The following SLC22A12 variants were observed in gnomAD, a reference collection of about 807,000 sequenced individuals.
SLC22A12 encodes organic anion transporter 4-like protein.
In SLC22A12, 56 loss-of-function variants were observed where a neutral mutation model predicts 52.7. The observed-to-expected ratio is 1.06, with a 90% CI of 0.86 to 1.33. The LOEUF is 1.33. SLC22A12 is among the 40% of genes most tolerant of loss of function. The pLI, the probability that SLC22A12 is intolerant of heterozygous loss-of-function variation, is 0.00. For missense variants in SLC22A12, 683 were observed against 741.5 expected (o/e 0.92, Z 0.92); for synonymous variants, 337 against 324.6 (o/e 1.04, Z -0.41).
rs554804725 is a variant in SLC22A12, at chr11:64,593,539, T to C, written c.641T>C (p.Met214Thr). 3 of 1,614,180 alleles carry C rather than the reference T, an allele frequency of 1.9e-6. No homozygotes were observed. Among genetic ancestry groups the C allele is most frequent in the African/African-American group, 1.3e-5 (1 of 75,072 alleles). ...TTGGCCTTTGCCGTGGCAGGCGTCA[T>C]GATGAACACGGGCACTCTCCGTAGG... is the stretch of plus-strand genomic sequence containing the variant. ...FLLAFAVAGV[M>T]MNTGTLLMEW... Residue 214 changes from methionine to threonine, a missense_variant, in exon 3 of 10, where the codon ATG (methionine) becomes ACG (threonine). Coordinates refer to ENST00000377574, the MANE Select transcript of SLC22A12 (RefSeq NM_144585.4).
chr11:64,595,898 G>T (rs1344278801), intron 4 of SLC22A12, among the ~76,000 whole-genome samples: 1 of 138,302 alleles, frequency 7.2e-6, no homozygotes, highest in African/African-American at 2.7e-5. Flanking sequence ...GGTTGGAATA[G>T]ATGAATGGAT....
Position 64,600,600 on chromosome 11 carries a change from C to T in SLC22A12, c.1394+125C>T, listed in dbSNP as rs73492137. 2.0e-3 allele frequency: 2,846 copies of T among 1,407,048 alleles called. 47 individuals carry two copies. In the African/African-American group the frequency reaches 0.036, roughly 18 times the overall value. The allele number at this position is 1,407,048 out of a possible 1,614,324, so 87.2% of individuals were successfully genotyped here. A position where few individuals can be genotyped will look rare whatever the true frequency, so the allele number is the denominator to read the frequency against. On this transcript the variant is annotated intron_variant, in intron 8 of 9. Coordinates refer to ENST00000377574, the MANE Select transcript of SLC22A12 (RefSeq NM_144585.4). ...ATGCATCTCCCTCTTGTGTGGTCCCCGGGGCTGCTCAGGTGCATCCCAAGC... is the reference window on the plus strand; with the variant it reads ...ATGCATCTCCCTCTTGTGTGGTCCCTGGGGCTGCTCAGGTGCATCCCAAGC...
chr11:64,593,195 T>A (rs749302840), intron 2 of SLC22A12, among the ~76,000 whole-genome samples: 20 of 152,282 alleles, frequency 1.3e-4, no homozygotes, highest in Non-Finnish European at 2.9e-4. Context: ...TCCTGGTGAC[T>A]GGAGCCCATT....
intron 9 of SLC22A12, among the ~76,000 whole-genome samples, 178 bp downstream of exon 9, chr11:64,601,116 C>G (rs888932699): frequency 2.6e-5 from 4 of 152,146 alleles, no homozygotes; most frequent in Non-Finnish European, 5.9e-5. Context: ...GGCTCAGTCT[C>G]CGGCTGGCAG....
In SLC22A12 at chr11:64,598,892, C is replaced by T. The variant is rs374858585; in HGVS notation, c.1039C>T (p.Arg347Cys). 2.4e-5 allele frequency: 39 copies of T among 1,612,750 alleles called. No homozygotes were observed. Among genetic ancestry groups the T allele is most frequent in the African/African-American group, 6.7e-5 (5 of 74,936 alleles). The change falls in exon 6 of 10, where the codon CGC becomes TGC. Residue 347 changes from arginine (R) to cysteine (C), a missense_variant. Coordinates refer to ENST00000377574, the MANE Select transcript of SLC22A12 (RefSeq NM_144585.4). ...CACCCTGCTCCGCATGCCCGGACTG[C>T]GCTTCCGGACCTGTATCTCCACGTT... ...LGTLLRMPGLRFRTCISTLCW... is the reference protein window; with the variant it reads ...LGTLLRMPGLCFRTCISTLCW...
At chr11:64,600,677 C>G in intron 8 of SLC22A12, 58 bp from the exon 9 acceptor site, 1 of 1,598,344 alleles carries the variant, frequency 6.3e-7, no homozygotes, top group Non-Finnish European at 8.5e-7. Context: ...GCCCGGCGTG[C>G]AGGATCAAGG....
intron 4 of SLC22A12, among the ~76,000 whole-genome samples, chr11:64,597,912 G>A (rs564547720): frequency 1.3e-4 from 20 of 152,290 alleles, no homozygotes; most frequent in South Asian, 8.3e-4. Context: ...TCAGGTGCGA[G>A]GGGTCCTGGA....
chr11:64,595,480 GATGGATGGATGGA>G (rs1489994057), intron 4 of SLC22A12, among the ~76,000 whole-genome samples: 2 of 142,598 alleles, frequency 1.4e-5, no homozygotes, highest in Non-Finnish European at 3.0e-5. Flanking sequence ...GGAATAGATG[GATGGATGGATGGA>G]ATGGATGGAT....
Position 64,598,899 on chromosome 11 carries a change from G to A in SLC22A12, c.1046G>A (p.Arg349Gln), listed in dbSNP as rs755660011. The change falls in exon 6 of 10, where the codon CGG becomes CAG. Residue 349 changes from arginine (R) to glutamine (Q), a missense_variant. Arg to Gln is a conservative substitution (Grantham distance 43). Coordinates refer to ENST00000377574, the MANE Select transcript of SLC22A12 (RefSeq NM_144585.4). ...TLLRMPGLRF[R>Q]TCISTLCWFA... ...CTCCGCATGCCCGGACTGCGCTTCC[G>A]GACCTGTATCTCCACGTTGTGCTGG... 16 of 1,612,874 alleles carry A rather than the reference G, an allele frequency of 9.9e-6. No individual in the cohort carries two copies. The highest frequency in any genetic ancestry group is 2.2e-5 in the South Asian group (2 of 91,082).
intron 2 of SLC22A12, 113 bp downstream of exon 2, chr11:64,592,995 C>T (rs2038970701): frequency 2.0e-6 from 2 of 982,524 alleles, no homozygotes; most frequent in African/African-American, 3.2e-5. Context: ...AGAAAGCGCC[C>T]TACTTGCTGG....
chr11:64,593,574 T>C lies in SLC22A12; in HGVS notation c.661+15T>C, dbSNP rs1374965746. The C allele has an allele frequency of 6.2e-7, 1 of 1,614,142 alleles. No homozygotes were observed. The highest frequency in any genetic ancestry group is 2.2e-5 in the East Asian group (1 of 44,892). On this transcript the variant is annotated intron_variant, in intron 3 of 9. Coordinates refer to ENST00000377574, the MANE Select transcript of SLC22A12 (RefSeq NM_144585.4). ...GGGCACTCTCCGTAGGTCTCTGACC[T>C]GGCGCCATGCAGGGGGGCTCCATGC...
rs2039466686 is a variant in SLC22A12, at chr11:64,601,922, G to A, written c.*371G>A. ...CCCCACACCCGTCCACCTGCCCAGAGCTCAGAGCTAACCACCATCCATGGT... is the reference window on the plus strand; with the variant it reads ...CCCCACACCCGTCCACCTGCCCAGAACTCAGAGCTAACCACCATCCATGGT... On this transcript the variant is annotated 3_prime_UTR_variant, in exon 10 of 10. Transcript: ENST00000377574. 5.6e-6 allele frequency: 2 copies of A among 357,674 alleles called. No homozygotes were observed. The highest frequency in any genetic ancestry group is 1.1e-5 in the Non-Finnish European group (2 of 182,896). 22.2% of individuals were successfully genotyped at this position (357,674 alleles called of 1,614,324 possible). A position where few individuals can be genotyped will look rare whatever the true frequency, so the allele number is the denominator to read the frequency against.
chr11:64,599,965 T>A, intron 7 of SLC22A12, 75 bp downstream of exon 7: 1 of 1,500,296 alleles, frequency 6.7e-7, no homozygotes, highest in Non-Finnish European at 9.1e-7. Context: ...CACCCCTCCT[T>A]GGAGGTGCTG....
chr11:64,600,977 C>T, intron 9 of SLC22A12, 39 bp downstream of exon 9: 1 of 1,600,396 alleles, frequency 6.2e-7, no homozygotes, highest in Non-Finnish European at 8.5e-7. Context: ...CTCCCTCCCA[C>T]CAGAGAACCC....
intron 1 of SLC22A12, among the ~76,000 whole-genome samples, chr11:64,592,454 C>A (rs1284677968): frequency 1.3e-5 from 2 of 152,136 alleles, no homozygotes; most frequent in African/African-American, 2.4e-5. Context: ...AGGGAAGCAA[C>A]CTCTGGGAGA....
At chr11:64,592,369 G>A (rs921448865) in intron 1 of SLC22A12, among the ~76,000 whole-genome samples, 4 of 152,060 alleles carry the variant, frequency 2.6e-5, no homozygotes, top group Non-Finnish European at 5.9e-5. Context: ...CAGATGGGGC[G>A]CCAGGCAAAG....
intron 8 of SLC22A12, 105 bp downstream of exon 8, chr11:64,600,580 T>A: frequency 7.3e-7 from 1 of 1,361,766 alleles, no homozygotes; most frequent in African/African-American, 1.4e-5. Flanking sequence ...ATGTCATGCA[T>A]CTCCCTCTTG....
chr11:64,600,674 G>A lies in SLC22A12; in HGVS notation c.1395-61G>A, dbSNP rs545919742. ...CTGGGCCAAGCGGGCCTGGCCCGGC[G>A]TGCAGGATCAAGGCTGTGGGCACAC... On this transcript the variant is annotated intron_variant, in intron 8 of 9. Transcript: ENST00000377574. The A allele has an allele frequency of 4.3e-4, 688 of 1,597,776 alleles. 2 individuals are homozygous for A. Among genetic ancestry groups the A allele is most frequent in the Non-Finnish European group, 5.4e-4 (642 of 1,178,052 alleles).
intron 6 of SLC22A12, 80 bp from the exon 7 acceptor site, chr11:64,599,596 C>CCCCGCCCCTTGTTG: frequency 1.4e-6 from 1 of 693,514 alleles, no homozygotes; most frequent in Non-Finnish European, 2.1e-6. Context: ...CCTGAGCCCC[C>CCCCGCCCCTTGTTG]ACCGCCCATT....
Sources: allele counts gnomAD v4.1 joint callset (sites outside exome capture counted in the v4.1 genomes callset), GRCh38; gene constraint gnomAD v4.1.1; transcripts MANE v1.5; gene names NCBI Gene and HGNC (gene_info 2026-07-23, HGNC 2026-07-21).